EHMT1: variants seen among roughly 807,000 people sequenced by gnomAD.
The protein encoded by EHMT1 is histone-lysine N-methyltransferase EHMT1.
In EHMT1, 15 loss-of-function variants were observed where a neutral mutation model predicts 147.2. That is an observed-to-expected ratio of 0.10 (90% CI 0.07 to 0.16). EHMT1 has a LOEUF of 0.16. Among genes scored for constraint, EHMT1 ranks in the 10% least tolerant of loss-of-function variants. EHMT1 has a pLI of 1.00. For missense variants in EHMT1, 1,587 were observed against 1,772.4 expected, an observed-to-expected ratio of 0.90 and a Z score of 1.88; for synonymous variants, 795 against 709.6, an observed-to-expected ratio of 1.12 and a Z score of -1.91.
chr9:137,754,328 G>A, intron 8 of EHMT1, 37 bp downstream of exon 8: 4 of 1,611,620 alleles, frequency 2.5e-6, no homozygotes, highest in Non-Finnish European at 2.5e-6. Flanking sequence ...CACGGGGACT[G>A]CCTGGGAGGG....
chr9:137,819,871 C>G (rs895480478), intron 25 of EHMT1, among the ~76,000 whole-genome samples: 2 of 152,174 alleles, frequency 1.3e-5, no homozygotes, highest in Admixed American at 6.5e-5. Context: ...TGGGAGCTTT[C>G]TGAGGCTAGG....
chr9:137,711,124 A>T (rs1944673393), intron 2 of EHMT1, 94 bp downstream of exon 2: 2 of 1,354,176 alleles, frequency 1.5e-6, no homozygotes, highest in African/African-American at 2.9e-5. Context: ...CCGTCTTCTG[A>T]CTTTCTTTGC....
At chr9:137,734,200 C>T (rs952370385) in intron 4 of EHMT1, among the ~76,000 whole-genome samples, 1 of 152,092 alleles carries the variant, frequency 6.6e-6, no homozygotes, top group Non-Finnish European at 1.5e-5. Context: ...TTTAAAGTAA[C>T]TGTCTTAGAT....
intron 1 of EHMT1, chr9:137,619,950 A>G (rs1842852316): frequency 6.6e-6 from 1 of 152,148 alleles, no homozygotes; most frequent in Admixed American, 6.5e-5. Flanking sequence ...GCGTAGAAGT[A>G]TTTCTTTGAA....
At chr9:137,710,074 G>C (rs1460675850) in intron 1 of EHMT1, among the ~76,000 whole-genome samples, 1 of 152,026 alleles carries the variant, frequency 6.6e-6, no homozygotes, top group Non-Finnish European at 1.5e-5. Context: ...TGCGTCGGGA[G>C]AGGCCTGGCT....
chr9:137,684,667 A>G (rs544880911), intron 1 of EHMT1, among the ~76,000 whole-genome samples: 22 of 151,820 alleles, frequency 1.4e-4, no homozygotes, highest in South Asian at 6.2e-4. Flanking sequence ...AATTTTTTCA[A>G]TTTTTGGTAG....
Position 137,823,138 on chromosome 9 carries a change from G to T in EHMT1, c.3540+5000G>T, listed in dbSNP as rs367877377. Among the ~76,000 whole-genome samples the T allele has an allele frequency of 1.2e-4, 17 of 138,820 alleles. No individual in the cohort carries two copies. In the East Asian group the frequency reaches 3.8e-3, roughly 31 times the overall value. The allele number at this position is 138,820 out of a possible 152,430, so 91.1% of individuals were successfully genotyped here. A position where few individuals can be genotyped will look rare whatever the true frequency, so the allele number is the denominator to read the frequency against. On this transcript the variant is annotated intron_variant, in intron 25 of 26. Transcript: ENST00000460843. ...TTTTGAGACGGAGTCTCACTCTGTC[G>T]CCCAGGCTGGAGTGCAGTGACGCAG...
At chr9:137,830,394 T>C (rs553384684) in intron 25 of EHMT1, among the ~76,000 whole-genome samples, 1 of 152,352 alleles carries the variant, frequency 6.6e-6, no homozygotes, top group Admixed American at 6.5e-5. Flanking sequence ...CATGGGCTCT[T>C]GACTCACTTT....
Position 137,731,839 on chromosome 9 carries a change from G to A in EHMT1, c.823+3310G>A, listed in dbSNP as rs565075848. ...GGGGCCACTGTGCACAGCCAGGCCTGCTTGGCTGCTGTGGTGGGGCAGGCA... is the reference window on the plus strand; with the variant it reads ...GGGGCCACTGTGCACAGCCAGGCCTACTTGGCTGCTGTGGTGGGGCAGGCA... On this transcript the variant is annotated intron_variant, in intron 4 of 26. Coordinates refer to ENST00000460843, the MANE Select transcript of EHMT1 (RefSeq NM_024757.5). The surrounding 1 kb of genome is among the most constrained non-coding windows in gnomAD (Gnocchi z 4.3). 3.3e-5 allele frequency among the ~76,000 whole-genome samples: 5 copies of A among 152,350 alleles called. No homozygotes were observed. The highest frequency in any genetic ancestry group is 1.2e-4 in the African/African-American group (5 of 41,590).
chr9:137,800,860 T>C lies in EHMT1; in HGVS notation c.2608-20T>C, dbSNP rs760881839. On this transcript the variant is annotated intron_variant, in intron 17 of 26. Transcript: ENST00000460843. Reference sequence around the variant, plus strand: ...TGCCGGTCTCTGGAGCGATGACAGCTTTGTCCTCTTCCCTGGCAGGATGAC... The same window carrying C: ...TGCCGGTCTCTGGAGCGATGACAGCCTTGTCCTCTTCCCTGGCAGGATGAC... 11 of 1,612,612 alleles carry C rather than the reference T, an allele frequency of 6.8e-6. No homozygotes were observed. The highest frequency in any genetic ancestry group is 1.7e-4 in the Middle Eastern group (1 of 6,054).
chr9:137,832,016 C>T (rs1021053289), intron 25 of EHMT1, among the ~76,000 whole-genome samples: 1 of 151,182 alleles, frequency 6.6e-6, no homozygotes, highest in Admixed American at 6.6e-5. Flanking sequence ...TCCTACGTGG[C>T]CGCTGCACTT....
intron 1 of EHMT1, among the ~76,000 whole-genome samples, chr9:137,650,393 G>A (rs1368788144): frequency 2.0e-5 from 3 of 152,062 alleles, no homozygotes; most frequent in Non-Finnish European, 2.9e-5. Context: ...AATTACAGGT[G>A]TACCTTGCCC....
chr9:137,676,937 T>C (rs1269956516), intron 1 of EHMT1, among the ~76,000 whole-genome samples: 1 of 152,152 alleles, frequency 6.6e-6, no homozygotes, highest in Admixed American at 6.5e-5. Context: ...TACTCACCCT[T>C]TAGTGTGTCC....
At chr9:137,621,947 T>A (rs1486550459) in intron 1 of EHMT1, among the ~76,000 whole-genome samples, 1 of 151,906 alleles carries the variant, frequency 6.6e-6, no homozygotes, top group Non-Finnish European at 1.5e-5. Context: ...TCTTTCTTTT[T>A]TTTTTCTTTT....
chr9:137,779,247 G>T (rs79353591), intron 13 of EHMT1, among the ~76,000 whole-genome samples: 4 of 152,360 alleles, frequency 2.6e-5, no homozygotes, highest in East Asian at 1.9e-4. Context: ...GCCCTCACTC[G>T]TGACCACGCT....
chr9:137,751,496 C>T (rs375464008), intron 6 of EHMT1, among the ~76,000 whole-genome samples: 73 of 152,248 alleles, frequency 4.8e-4, no homozygotes, highest in African/African-American at 1.4e-3. Context: ...GCCTGTCCAC[C>T]GGGAAATGCA....
chr9:137,684,238 G>A (rs999953286), intron 1 of EHMT1, among the ~76,000 whole-genome samples: 5 of 151,970 alleles, frequency 3.3e-5, no homozygotes, highest in African/African-American at 7.3e-5. Context: ...TTGCCATGTT[G>A]CCCAGGCTGG....
At chr9:137,766,844 C>T (rs1031573769) in intron 10 of EHMT1, among the ~76,000 whole-genome samples, 1 of 151,882 alleles carries the variant, frequency 6.6e-6, no homozygotes, top group Non-Finnish European at 1.5e-5. Context: ...TTTTATTTTT[C>T]GAGACAGGTT....
chr9:137,763,258 C>T (rs1949977502), intron 10 of EHMT1: 1 of 343,290 alleles, frequency 2.9e-6, no homozygotes, highest in African/African-American at 2.1e-5. Context: ...GGATCACAGA[C>T]TCAGAGGGTT....
Sources: gnomAD v4.1 joint callset for allele counts (sites outside exome capture counted in the v4.1 genomes callset) on GRCh38, gnomAD v4.1.1 for gene constraint, Gnocchi (gnomAD v3.1) non-coding constraint, MANE v1.5 for transcripts, NCBI Gene and HGNC (gene_info 2026-07-23, HGNC 2026-07-21) for gene names.